Variants in CNOT1 observed in about 807,000 individuals in gnomAD.
The protein encoded by CNOT1 is CCR4-associated factor 1.
In CNOT1, 15 loss-of-function variants were observed where a neutral mutation model predicts 273.8. That is an observed-to-expected ratio of 0.05 (90% CI 0.04 to 0.08). The LOEUF (loss-of-function observed/expected upper bound fraction) is 0.08. Among genes scored for constraint, CNOT1 ranks in the 10% least tolerant of loss-of-function variants. CNOT1 has a pLI of 1.00. For missense variants in CNOT1, 1,644 were observed against 2,912.2 expected, an observed-to-expected ratio of 0.56 and a Z score of 10.02; for synonymous variants, 1,022 against 1,005.5, an observed-to-expected ratio of 1.02 and a Z score of -0.31.
At chr16:58,612,381 T>C (rs2152036000) in intron 1 of CNOT1, among the ~76,000 whole-genome samples, 1 of 152,290 alleles carries the variant, frequency 6.6e-6, no homozygotes, top group East Asian at 1.9e-4. Context: ...CAAGTAGCAT[T>C]CTGACCTAAA....
chr16:58,619,513 C>T (rs932042059), intron 1 of CNOT1, among the ~76,000 whole-genome samples: 8 of 151,890 alleles, frequency 5.3e-5, no homozygotes, highest in East Asian at 1.9e-4. Flanking sequence ...CTGCAACCTC[C>T]GCCTCCCAGG....
chr16:58,627,360 G>A (rs556977805), intron 1 of CNOT1, among the ~76,000 whole-genome samples: 23 of 127,884 alleles, frequency 1.8e-4, no homozygotes, highest in Non-Finnish European at 3.0e-4. Context: ...CCGAGATTGT[G>A]TGCTGCTGCA....
chr16:58,594,836 G>T (rs987928891), intron 2 of CNOT1, among the ~76,000 whole-genome samples: 1 of 151,218 alleles, frequency 6.6e-6, no homozygotes, highest in African/African-American at 2.4e-5. Flanking sequence ...AGAAAAAAAG[G>T]CTAGGTACAG....
At chr16:58,602,413 T>C (rs1051907648) in intron 1 of CNOT1, among the ~76,000 whole-genome samples, 7 of 151,684 alleles carry the variant, frequency 4.6e-5, no homozygotes, top group East Asian at 1.9e-4. Flanking sequence ...GTAGGCCGGG[T>C]GTGGTGGTGC....
At chr16:58,577,400 T>G (rs2041494314) in intron 13 of CNOT1, among the ~76,000 whole-genome samples, 1 of 152,158 alleles carries the variant, frequency 6.6e-6, no homozygotes, top group African/African-American at 2.4e-5. Flanking sequence ...TTGTAAACTG[T>G]TAAAGTCTAC....
chr16:58,585,516 G>A lies in CNOT1; in HGVS notation c.638-10C>T. ...CGTTCTTGGGGAAAATCTGAGAGAG[G>A]AAAAAGGTTACAACTGCTATACTAA... On this transcript the variant is annotated splice_polypyrimidine_tract_variant and intron_variant, in intron 7 of 48. Coordinates refer to ENST00000317147, the MANE Select transcript of CNOT1 (RefSeq NM_016284.5). 1 of 1,606,032 alleles carries A rather than the reference G, an allele frequency of 6.2e-7. No homozygotes were observed. Among genetic ancestry groups the A allele is most frequent in the Non-Finnish European group, 8.5e-7 (1 of 1,178,082 alleles).
Position 58,532,063 on chromosome 16 carries a change from G to A in CNOT1, c.6072C>T (p.His2024=), listed in dbSNP as rs775764887. 5.6e-6 allele frequency: 9 copies of A among 1,613,968 alleles called. No homozygotes were observed. The highest frequency in any genetic ancestry group is 2.2e-5 in the South Asian group (2 of 91,076). ...CAGGAGCTTTGGTAGGCCTCAAGATGTGGAATGTATTGCTGAAAGAAGAAA... is the reference window on the plus strand; with the variant it reads ...CAGGAGCTTTGGTAGGCCTCAAGATATGGAATGTATTGCTGAAAGAAGAAA... The part of the protein sequence containing the change: ...QTLTAFCNTF[H]ILRPTKAPGF... Residue 2024 remains histidine, a synonymous_variant, in exon 42 of 49, where the codon CAC becomes CAT. Transcript: ENST00000317147.
chr16:58,574,657 G>A lies in CNOT1; in HGVS notation c.1931C>T (p.Pro644Leu). 6.2e-7 allele frequency: 1 copy of A among 1,606,550 alleles called. No homozygotes were observed. Among genetic ancestry groups the A allele is most frequent in the Non-Finnish European group, 8.5e-7 (1 of 1,178,634 alleles). Residue 644 changes from proline (P) to leucine (L), a missense_variant, in exon 16 of 49, where the codon CCT (proline) becomes CTT (leucine). Physicochemically the swap from Pro to Leu is moderately conservative, Grantham distance 98. Transcript: ENST00000317147. Reference sequence around the variant, plus strand: ...CAACATTGTCGCCAAAGTTTCTGGAGGAAGTTGAGCACTTTTGGGCTGGTC... The same window carrying A: ...CAACATTGTCGCCAAAGTTTCTGGAAGAAGTTGAGCACTTTTGGGCTGGTC... ...EKDQPKSAQL[P>L]PETLATMLAC...
chr16:58,565,939 C>CCAAA (rs2041026188), intron 16 of CNOT1, among the ~76,000 whole-genome samples: 1 of 144,808 alleles, frequency 6.9e-6, no homozygotes. Context: ...GACCCTGCCT[C>CCAAA]AAAAAAAAAA....
At chr16:58,523,536 T>C (rs753171928) in intron 46 of CNOT1, 34 bp from the exon 47 acceptor site, 5 of 1,609,206 alleles carry the variant, frequency 3.1e-6, no homozygotes, top group Non-Finnish European at 4.2e-6. Flanking sequence ...TAGGACTTAG[T>C]CTGAAAGGCC....
At chr16:58,545,716 C>T (rs935519861) in intron 29 of CNOT1, among the ~76,000 whole-genome samples, 2 of 152,194 alleles carry the variant, frequency 1.3e-5, no homozygotes, top group Non-Finnish European at 2.9e-5. Flanking sequence ...CAGTGCCCCA[C>T]AGCACAGAAA....
chr16:58,565,735 G>A (rs948629969), intron 16 of CNOT1, among the ~76,000 whole-genome samples: 6 of 152,060 alleles, frequency 3.9e-5, no homozygotes, highest in African/African-American at 1.4e-4. Context: ...TTGAGGTCAG[G>A]AAGTTCAAGA....
At chr16:58,566,636 C>T (rs931748133) in intron 16 of CNOT1, among the ~76,000 whole-genome samples, 2 of 152,174 alleles carry the variant, frequency 1.3e-5, no homozygotes, top group Non-Finnish European at 2.9e-5. Flanking sequence ...CAGTCTTGTG[C>T]ACTGTGGAAT....
chr16:58,590,570 G>A (rs2042017412), intron 2 of CNOT1, among the ~76,000 whole-genome samples: 1 of 151,964 alleles, frequency 6.6e-6, no homozygotes, highest in Admixed American at 6.6e-5. Context: ...ACTCCATCCT[G>A]GATGAGGGAG....
At chr16:58,617,781 G>A (rs2043145677) in intron 1 of CNOT1, among the ~76,000 whole-genome samples, 1 of 152,156 alleles carries the variant, frequency 6.6e-6, no homozygotes, top group African/African-American at 2.4e-5. Context: ...TGAGTCAGGA[G>A]GACCACTTGA....
intron 16 of CNOT1, among the ~76,000 whole-genome samples, chr16:58,560,761 A>T (rs1163302985): frequency 6.6e-6 from 1 of 152,194 alleles, no homozygotes; most frequent in Non-Finnish European, 1.5e-5. Flanking sequence ...GTAGTGGTTC[A>T]TGCCTGTAAT....
chr16:58,522,479 A>G (rs1202584487), intron 47 of CNOT1, among the ~76,000 whole-genome samples: 11 of 146,648 alleles, frequency 7.5e-5, no homozygotes, highest in Non-Finnish European at 1.5e-5. Flanking sequence ...CACAAATCAA[A>G]GGAATACCAT....
intron 19 of CNOT1, 121 bp downstream of exon 19, chr16:58,556,726 G>T (rs1192011038): frequency 1.4e-6 from 2 of 1,411,340 alleles, no homozygotes; most frequent in African/African-American, 1.5e-5. Context: ...TCAAATTTGT[G>T]AATTTATTCC....
chr16:58,565,072 A>G (rs2040992725), intron 16 of CNOT1, among the ~76,000 whole-genome samples: 1 of 152,176 alleles, frequency 6.6e-6, no homozygotes, highest in Admixed American at 6.5e-5. Context: ...TTCGCCCTGA[A>G]GCATTGGTTT....
Sources: allele counts gnomAD v4.1 joint callset (sites outside exome capture counted in the v4.1 genomes callset), GRCh38; gene constraint gnomAD v4.1.1; transcripts MANE v1.5; gene names NCBI Gene and HGNC (gene_info 2026-07-23, HGNC 2026-07-21).